Variants in KPNA7 observed in about 807,000 individuals in gnomAD.
KPNA7 encodes the protein importin subunit alpha-8.
KPNA7 carries 54 observed loss-of-function variants against 53.7 expected under a neutral mutation model. The observed-to-expected ratio is 1.01, with a 90% CI of 0.81 to 1.26. KPNA7 has a LOEUF of 1.26. Ranked by LOEUF, KPNA7 falls within the 50% of genes most tolerant of loss-of-function variation. The pLI is 0.00. For missense variants in KPNA7, 640 were observed against 644.5 expected, an observed-to-expected ratio of 0.99 and a Z score of 0.07; for synonymous variants, 276 against 259.3, an observed-to-expected ratio of 1.06 and a Z score of -0.62.
At chr7:99,155,021 A>G in the KPNA7 span, among the ~76,000 whole-genome samples, 1 of 152,060 alleles carries the variant, frequency 6.6e-6, no homozygotes, top group South Asian at 2.1e-4. Context: ...ACTTTTTATA[A>G]AAGTTTATAT....
intron 1 of KPNA7, among the ~76,000 whole-genome samples, chr7:99,218,806 G>T (rs1791275580): frequency 6.6e-6 from 1 of 152,192 alleles, no homozygotes; most frequent in Non-Finnish European, 1.5e-5. Flanking sequence ...CCTCCTCAGG[G>T]CCCCCAAACA....
At chr7:99,213,358 G>C (rs1279136159) in intron 1 of KPNA7, among the ~76,000 whole-genome samples, 1 of 141,642 alleles carries the variant, frequency 7.1e-6, no homozygotes, top group African/African-American at 2.6e-5. Flanking sequence ...TCAAACTCTT[G>C]ACCTCATGAT....
chr7:99,215,517 A>C (rs1791195861), intron 1 of KPNA7, among the ~76,000 whole-genome samples: 1 of 152,016 alleles, frequency 6.6e-6, no homozygotes, highest in Admixed American at 6.6e-5. Flanking sequence ...GAGAGGGTTG[A>C]AGGTTATAGA....
the KPNA7 span, among the ~76,000 whole-genome samples, chr7:99,167,182 C>T: frequency 6.6e-6 from 1 of 152,212 alleles, no homozygotes; most frequent in Admixed American, 6.6e-5. Flanking sequence ...CAGCTCCCAC[C>T]TCTGTGCCCT....
chr7:99,207,994 C>A (rs933969064), intron 1 of KPNA7, among the ~76,000 whole-genome samples, 34 bp downstream of exon 1: 7 of 151,894 alleles, frequency 4.6e-5, no homozygotes, highest in Non-Finnish European at 1.0e-4. Context: ...ATATACACAG[C>A]ACAGACTCCC....
chr7:99,160,583 C>T, the KPNA7 span, among the ~76,000 whole-genome samples: 2 of 152,080 alleles, frequency 1.3e-5, no homozygotes, highest in Non-Finnish European at 2.9e-5. Flanking sequence ...AGTCACTGCA[C>T]CCAGCCATCA....
At chr7:99,156,773 C>G in the KPNA7 span, among the ~76,000 whole-genome samples, 1,833 of 152,238 alleles carry the variant, frequency 0.012, 51 homozygotes, top group African/African-American at 0.043. Flanking sequence ...GATCCACCCC[C>G]CTTGGCCTCC....
At chr7:99,162,693 A>G in the KPNA7 span, among the ~76,000 whole-genome samples, 1 of 152,340 alleles carries the variant, frequency 6.6e-6, no homozygotes, top group East Asian at 1.9e-4. Context: ...CAACAAGGTT[A>G]GATCACTCGG....
rs975465691 is a variant in KPNA7, at chr7:99,195,077, A to T, written c.546T>A (p.Asn182Lys). 1.0e-5 allele frequency: 16 copies of T among 1,551,282 alleles called. No individual in the cohort carries two copies. The highest frequency in any genetic ancestry group is 1.3e-5 in the Non-Finnish European group (15 of 1,146,846). ...CTAAGGGGAGAGTCTCACCGGCTAT[A>T]TTACCAAGAGCCCACACTGCCTGTT... ...VCEQAVWALG[N>K]IAGDGPEFRD... The change falls in exon 5 of 11, where the codon AAT becomes AAA. Residue 182 changes from asparagine to lysine, a missense_variant. Asn to Lys is a moderately conservative substitution (Grantham distance 94). Coordinates refer to ENST00000327442, the MANE Select transcript of KPNA7 (RefSeq NM_001145715.3).
the KPNA7 span, among the ~76,000 whole-genome samples, chr7:99,149,880 C>T: frequency 2.0e-5 from 3 of 152,100 alleles, no homozygotes; most frequent in African/African-American, 7.2e-5. Context: ...CTGCAACCTC[C>T]GCCTCCTGGG....
chr7:99,192,579 AT>A (rs1790012113), intron 6 of KPNA7, among the ~76,000 whole-genome samples: 1 of 151,822 alleles, frequency 6.6e-6, no homozygotes, highest in Admixed American at 6.6e-5. Context: ...TGCTCAGCTA[AT>A]TTTTTTATTT....
chr7:99,203,477 A>G (rs924784544), intron 2 of KPNA7, among the ~76,000 whole-genome samples: 1 of 152,160 alleles, frequency 6.6e-6, no homozygotes, highest in Non-Finnish European at 1.5e-5. Context: ...GACCATGCAC[A>G]ACCTTGACAG....
downstream of KPNA7, among the ~76,000 whole-genome samples, chr7:99,169,166 T>A (rs1458817974): frequency 6.6e-6 from 1 of 151,364 alleles, no homozygotes; most frequent in African/African-American, 2.4e-5. Context: ...AATAAATAAT[T>A]TTTTAAAATA....
At chr7:99,155,804 G>T in the KPNA7 span, among the ~76,000 whole-genome samples, 4 of 151,706 alleles carry the variant, frequency 2.6e-5, no homozygotes, top group Non-Finnish European at 5.9e-5. Flanking sequence ...GGCTCCAGCA[G>T]TCTGCCTGTC....
At chr7:99,183,833 G>A (rs1789419539) in intron 8 of KPNA7, among the ~76,000 whole-genome samples, 1 of 152,060 alleles carries the variant, frequency 6.6e-6, no homozygotes, top group South Asian at 2.1e-4. Context: ...TACAAATCAG[G>A]AGAAATAATG....
intron 6 of KPNA7, among the ~76,000 whole-genome samples, chr7:99,192,364 CAG>C (rs911755686): frequency 2.0e-5 from 3 of 152,284 alleles, no homozygotes; most frequent in African/African-American, 7.2e-5. Flanking sequence ...CCCCTAAAGA[CAG>C]AGCTGAGTCA....
chr7:99,214,349 A>G (rs1040144062), intron 1 of KPNA7, among the ~76,000 whole-genome samples: 3 of 150,418 alleles, frequency 2.0e-5, no homozygotes, highest in Non-Finnish European at 3.0e-5. Flanking sequence ...AGGCTGAGGC[A>G]GGAGAATCAC....
intron 1 of KPNA7, among the ~76,000 whole-genome samples, chr7:99,218,628 C>T (rs933146397): frequency 3.3e-5 from 5 of 152,208 alleles, no homozygotes; most frequent in African/African-American, 1.2e-4. Context: ...CTTATCCACC[C>T]TCAAAAACAA....
intron 9 of KPNA7, among the ~76,000 whole-genome samples, chr7:99,181,428 G>T (rs1799268252): frequency 1.3e-5 from 2 of 152,174 alleles, no homozygotes; most frequent in Admixed American, 1.3e-4. Context: ...AAAATATCTG[G>T]CACATAGACA....
Sources: gnomAD v4.1 joint callset for allele counts (sites outside exome capture counted in the v4.1 genomes callset) on GRCh38, gnomAD v4.1.1 for gene constraint, MANE v1.5 for transcripts, NCBI Gene and HGNC (gene_info 2026-07-23, HGNC 2026-07-21) for gene names.